TCEA1: variants seen among roughly 807,000 people sequenced by gnomAD.
The protein encoded by TCEA1 is transcription elongation factor A1.
A neutral mutation model predicts 43.8 loss-of-function variants in TCEA1; 21 were observed. That is an observed-to-expected ratio of 0.48 (90% CI 0.34 to 0.69). The LOEUF (loss-of-function observed/expected upper bound fraction) is 0.69. Ranked by LOEUF, TCEA1 falls within the 30% of genes least tolerant of loss-of-function variation. TCEA1 has a pLI of 0.01. For missense variants in TCEA1, 250 were observed against 365.1 expected (o/e 0.68, Z 2.57); for synonymous variants, 104 against 117.5 (o/e 0.88, Z 0.75).
intron 8 of TCEA1, among the ~76,000 whole-genome samples, chr8:53,976,168 G>GT (rs1343562739): frequency 6.6e-6 from 1 of 152,082 alleles, no homozygotes; most frequent in Non-Finnish European, 1.5e-5. Context: ...CTGAAATTCC[G>GT]TAAGAGATGA....
At chr8:53,989,228 T>C (rs1310418945) in intron 4 of TCEA1, among the ~76,000 whole-genome samples, 1 of 152,236 alleles carries the variant, frequency 6.6e-6, no homozygotes, top group Non-Finnish European at 1.5e-5. Flanking sequence ...TAGGCAGTTT[T>C]ATAATTTTCC....
At chr8:54,011,701 A>C (rs1326135101) in intron 1 of TCEA1, among the ~76,000 whole-genome samples, 1 of 152,262 alleles carries the variant, frequency 6.6e-6, no homozygotes, top group Non-Finnish European at 1.5e-5. Flanking sequence ...AAAAGCGAGC[A>C]AAGACTCTCA....
At chr8:54,014,265 A>G (rs1804750462) in intron 1 of TCEA1, among the ~76,000 whole-genome samples, 1 of 152,066 alleles carries the variant, frequency 6.6e-6, no homozygotes, top group Non-Finnish European at 1.5e-5. Context: ...GACTAGTATC[A>G]CCAAACAAGA....
intron 8 of TCEA1, chr8:53,974,174 CAG>C (rs1391749081): frequency 6.4e-6 from 1 of 156,280 alleles, no homozygotes; most frequent in East Asian, 1.9e-4. Context: ...AAAACCAAAA[CAG>C]AGCAGTTTCA....
At chr8:54,006,723 G>A (rs73679590) in intron 2 of TCEA1, among the ~76,000 whole-genome samples, 4,020 of 152,338 alleles carry the variant, frequency 0.026, 172 homozygotes, top group African/African-American at 0.091. Context: ...TATTCTTAGA[G>A]TTGACTTGCA....
At chr8:53,980,591 T>G (rs1252451449) in intron 7 of TCEA1, among the ~76,000 whole-genome samples, 1 of 152,216 alleles carries the variant, frequency 6.6e-6, no homozygotes, top group Non-Finnish European at 1.5e-5. Flanking sequence ...GGGGCACCAC[T>G]AACTTTGACC....
chr8:53,977,710 A>ACATACTATCAACTCTTCTCTC (rs1354458786), intron 8 of TCEA1, among the ~76,000 whole-genome samples: 104 of 152,342 alleles, frequency 6.8e-4, no homozygotes, highest in African/African-American at 2.3e-3. Context: ...GACAGTGATA[A>ACATACTATCAACTCTTCTCTC]AAAAAATTTT....
chr8:54,008,172 C>CAAA lies in TCEA1; in HGVS notation c.126+2255_126+2257dup, dbSNP rs777634895. Reference sequence around the variant, plus strand: ...TGGGCCACAGAGTGAAACTGTGTCTCAAAAAAAAAAAAAAAAAAAAAAAAG... The same window carrying CAAA: ...TGGGCCACAGAGTGAAACTGTGTCTCAAAAAAAAAAAAAAAAAAAAAAAAAAAG... On this transcript the variant is annotated intron_variant, in intron 2 of 9. Coordinates refer to ENST00000521604, the MANE Select transcript of TCEA1 (RefSeq NM_006756.4). Among the ~76,000 whole-genome samples, 136 of 42,152 alleles carry CAAA rather than the reference C, an allele frequency of 3.2e-3. 1 individual carries two copies. Among genetic ancestry groups the CAAA allele is most frequent in the Middle Eastern group, 0.015 (1 of 66 alleles). The allele number at this position is 42,152 out of a possible 152,430, so 27.7% of individuals were successfully genotyped here.
intron 1 of TCEA1, among the ~76,000 whole-genome samples, chr8:54,021,040 A>G (rs1236809069): frequency 1.3e-5 from 2 of 151,976 alleles, no homozygotes; most frequent in Non-Finnish European, 2.9e-5. Context: ...ATACAAAAAA[A>G]TAGCCAGGCG....
chr8:54,012,875 A>G (rs547043585), intron 1 of TCEA1, among the ~76,000 whole-genome samples: 6 of 151,228 alleles, frequency 4.0e-5, no homozygotes, highest in African/African-American at 7.3e-5. Context: ...TTGAGATTAC[A>G]TGAACCATGA....
chr8:53,995,532 G>A (rs1226441715), intron 3 of TCEA1, among the ~76,000 whole-genome samples: 1 of 152,094 alleles, frequency 6.6e-6, no homozygotes, highest in Admixed American at 6.6e-5. Context: ...ACTGTACAAA[G>A]TATACCAGTT....
intron 3 of TCEA1, among the ~76,000 whole-genome samples, chr8:53,999,179 T>G (rs532987732): frequency 3.8e-3 from 538 of 141,884 alleles, no homozygotes; most frequent in South Asian, 0.01. Flanking sequence ...GAGCCGAGAT[T>G]GCACCACTGC....
intron 2 of TCEA1, among the ~76,000 whole-genome samples, chr8:54,004,256 C>T (rs773008612): frequency 2.4e-4 from 36 of 152,224 alleles, no homozygotes; most frequent in Non-Finnish European, 4.7e-4. Context: ...ACACAGTTAC[C>T]ACATAAACCA....
intron 3 of TCEA1, 22 bp downstream of exon 3, chr8:53,999,923 T>C (rs746204721): frequency 7.3e-7 from 1 of 1,373,354 alleles, no homozygotes; most frequent in Non-Finnish European, 1.0e-6. Flanking sequence ...CATAAATATA[T>C]GTAAGGGAAG....
chr8:53,972,952 A>G (rs575308354), intron 8 of TCEA1: 9 of 661,702 alleles, frequency 1.4e-5, no homozygotes, highest in East Asian at 8.6e-5. Context: ...AATATATATC[A>G]TATCTGCTGC....
intron 9 of TCEA1, chr8:53,970,162 C>G: frequency 1.8e-6 from 1 of 540,680 alleles, no homozygotes; most frequent in Non-Finnish European, 3.3e-6. Context: ...ATTCACTCCC[C>G]ATTTCCTGCA....
intron 2 of TCEA1, among the ~76,000 whole-genome samples, chr8:54,001,931 CAGGAGTTT>C (rs1163595192): frequency 6.6e-6 from 1 of 150,932 alleles, no homozygotes; most frequent in Non-Finnish European, 1.5e-5. Context: ...CTCACGAAGT[CAGGAGTTT>C]GAGACCAGCC....
At chr8:53,983,714 T>C (rs543620168) in intron 7 of TCEA1, among the ~76,000 whole-genome samples, 1 of 152,028 alleles carries the variant, frequency 6.6e-6, no homozygotes, top group South Asian at 2.1e-4. Flanking sequence ...AATTTTATAG[T>C]GTTTAACCAC....
chr8:54,004,480 G>A (rs1563505022), intron 2 of TCEA1, among the ~76,000 whole-genome samples: 1 of 152,144 alleles, frequency 6.6e-6, no homozygotes, highest in Admixed American at 6.5e-5. Context: ...CTGCAACATG[G>A]ATGAATCCTG....
Sources: gnomAD v4.1 joint callset for allele counts (sites outside exome capture counted in the v4.1 genomes callset) on GRCh38, gnomAD v4.1.1 for gene constraint, MANE v1.5 for transcripts, NCBI Gene and HGNC (gene_info 2026-07-23, HGNC 2026-07-21) for gene names.